GALNT2: variants seen among roughly 807,000 people sequenced by gnomAD.
GALNT2 encodes UDP-GalNAc:polypeptide N-acetylgalactosaminyltransferase 2.
In GALNT2, 31 loss-of-function variants were observed where a neutral mutation model predicts 81.4. The observed-to-expected ratio is 0.38, with a 90% CI of 0.29 to 0.51. The LOEUF (loss-of-function observed/expected upper bound fraction) is 0.51. Among genes scored for constraint, GALNT2 ranks in the 20% least tolerant of loss-of-function variants. The probability of loss-of-function intolerance (pLI) is 0.87; values close to 1 mark genes in which losing one functional copy is unlikely to be tolerated. For synonymous variants in GALNT2, 303 were observed against 287.4 expected (o/e 1.05, Z -0.55); for missense variants, 629 against 765.7 (o/e 0.82, Z 2.11).
chr1:230,135,529 A>G (rs1661509267), intron 1 of GALNT2, among the ~76,000 whole-genome samples: 1 of 152,188 alleles, frequency 6.6e-6, no homozygotes, highest in African/African-American at 2.4e-5. Flanking sequence ...TCTGTGTGGA[A>G]ATCACACGGC....
intron 3 of GALNT2, among the ~76,000 whole-genome samples, chr1:230,220,619 T>C (rs978051933): frequency 2.0e-5 from 3 of 152,104 alleles, no homozygotes; most frequent in Non-Finnish European, 4.4e-5. Context: ...CGGTAGCTGC[T>C]TTTATGGAAT....
intron 1 of GALNT2, chr1:230,092,043 G>A (rs1660099836): frequency 6.6e-6 from 1 of 152,104 alleles, no homozygotes; most frequent in African/African-American, 2.4e-5. Flanking sequence ...AGCTTATGTA[G>A]TTTCTGCGTT....
intron 3 of GALNT2, among the ~76,000 whole-genome samples, chr1:230,228,470 A>G (rs999781167): frequency 6.6e-6 from 1 of 152,074 alleles, no homozygotes; most frequent in Non-Finnish European, 1.5e-5. Flanking sequence ...AGACATAAAT[A>G]AGTGTTTGGC....
chr1:230,070,491 G>C lies in GALNT2; in HGVS notation c.126+3085G>C, dbSNP rs896213205. Among the ~76,000 whole-genome samples, 1 of 152,194 alleles carries C rather than the reference G, an allele frequency of 6.6e-6. No homozygotes were observed. Among genetic ancestry groups the C allele is most frequent in the African/African-American group, 2.4e-5 (1 of 41,444 alleles). ...AGGGTTTTCTCTCTGCTGTAAGAGTGTGTGGAGCCTGAGACCCCTTGCCTG... is the reference window on the plus strand; with the variant it reads ...AGGGTTTTCTCTCTGCTGTAAGAGTCTGTGGAGCCTGAGACCCCTTGCCTG... On this transcript the variant is annotated intron_variant, in intron 1 of 15. Transcript: ENST00000366672. The surrounding 1 kb of genome is among the most constrained non-coding windows in gnomAD (Gnocchi z 4.7).
intron 1 of GALNT2, among the ~76,000 whole-genome samples, chr1:230,098,594 A>AC (rs1660316895): frequency 6.6e-6 from 1 of 151,668 alleles, no homozygotes; most frequent in Non-Finnish European, 1.5e-5. Flanking sequence ...CCACGCCATT[A>AC]CCCCCCAGAC....
intron 1 of GALNT2, among the ~76,000 whole-genome samples, chr1:230,110,828 C>T (rs1315073120): frequency 1.3e-5 from 2 of 151,616 alleles, no homozygotes; most frequent in African/African-American, 2.4e-5. Flanking sequence ...TCAGCCTGAC[C>T]GTGGAAAACT....
intron 2 of GALNT2, among the ~76,000 whole-genome samples, chr1:230,190,120 G>T (rs532962621): frequency 4.0e-4 from 61 of 152,346 alleles, no homozygotes; most frequent in African/African-American, 1.4e-3. Flanking sequence ...AAAATAAGTG[G>T]CTGTCAGTGT....
chr1:230,265,403 CAG>C (rs1161914397), intron 14 of GALNT2, 36 bp downstream of exon 14: 38 of 1,613,734 alleles, frequency 2.4e-5, no homozygotes, highest in Non-Finnish European at 3.2e-5. Flanking sequence ...CCTGCAGGCC[CAG>C]AGAGAGCAGG....
chr1:230,086,371 T>C (rs1357841948), intron 1 of GALNT2, among the ~76,000 whole-genome samples: 3 of 152,200 alleles, frequency 2.0e-5, no homozygotes, highest in Non-Finnish European at 2.9e-5. Flanking sequence ...GCCGGCCCTT[T>C]ATCTGGTGAG....
At chr1:230,140,201 C>T (rs1661686600) in intron 1 of GALNT2, among the ~76,000 whole-genome samples, 1 of 152,320 alleles carries the variant, frequency 6.6e-6, no homozygotes, top group Middle Eastern at 3.4e-3. Flanking sequence ...AGGAATGAAT[C>T]CCAAGGCTTG....
intron 2 of GALNT2, among the ~76,000 whole-genome samples, chr1:230,201,376 G>C (rs550440083): frequency 6.6e-6 from 1 of 152,248 alleles, no homozygotes; most frequent in East Asian, 1.9e-4. Flanking sequence ...TGGGGGTTCT[G>C]ACCTCGCAGG....
intron 3 of GALNT2, among the ~76,000 whole-genome samples, chr1:230,218,888 A>G (rs981071999): frequency 6.6e-5 from 10 of 152,290 alleles, no homozygotes; most frequent in Admixed American, 1.3e-4. Flanking sequence ...ATGAGCAAAC[A>G]TTACCGCCTG....
At chr1:230,170,460 G>T (rs1473286923) in intron 1 of GALNT2, among the ~76,000 whole-genome samples, 1 of 152,190 alleles carries the variant, frequency 6.6e-6, no homozygotes, top group Non-Finnish European at 1.5e-5. Context: ...AGCAAAAACT[G>T]ATCTCTTTTA....
At position 230,243,206 on chromosome 1, in the gene GALNT2, G is replaced by T. The variant is rs542916955; in HGVS notation, c.608-100G>T. 9.8e-6 allele frequency: 14 copies of T among 1,435,544 alleles called. No homozygotes were observed. The East Asian group carries it at 2.5e-4, about 26-fold the overall frequency. The allele number at this position is 1,435,544 out of a possible 1,614,324, so 88.9% of individuals were successfully genotyped here. ...AGTAATGTCCGTGCCCAGAAAGCAG[G>T]CTGCAGAGCTGCGGGCAGGGAGGCG... On this transcript the variant is annotated intron_variant, in intron 6 of 15. Transcript: ENST00000366672. The surrounding 1 kb of genome is among the most constrained non-coding windows in gnomAD (Gnocchi z 4.2).
At position 230,219,219 on chromosome 1, in the gene GALNT2, C is replaced by T. The variant is rs140608209; in HGVS notation, c.374+15929C>T. On this transcript the variant is annotated intron_variant, in intron 3 of 15. Transcript: ENST00000366672. Reference sequence around the variant, plus strand: ...GGCATCTTTGCCATGGCCCTTTAAACCAAATCTTTTTTATTCTTGGTAATT... The same window carrying T: ...GGCATCTTTGCCATGGCCCTTTAAATCAAATCTTTTTTATTCTTGGTAATT... Among the ~76,000 whole-genome samples the T allele has an allele frequency of 4.1e-4, 63 of 152,320 alleles. No individual in the cohort carries two copies. In the East Asian group the frequency reaches 9.4e-3, roughly 23 times the overall value.
At chr1:230,272,498 TCA>T (rs1028737914) in intron 14 of GALNT2, among the ~76,000 whole-genome samples, 3 of 152,138 alleles carry the variant, frequency 2.0e-5, no homozygotes, top group African/African-American at 7.2e-5. Flanking sequence ...CTAGGATTCC[TCA>T]CAGAGTAGAA....
rs59410758 is a variant in GALNT2, at chr1:230,128,257, A to ATGTGTGTGTGTG, written c.127-49952_127-49941dup. Among the ~76,000 whole-genome samples, 733 of 149,850 alleles carry ATGTGTGTGTGTG rather than the reference A, an allele frequency of 4.9e-3. 9 individuals carry two copies. Among genetic ancestry groups the ATGTGTGTGTGTG allele is most frequent in the Middle Eastern group, 0.027 (8 of 294 alleles). Reference sequence around the variant, plus strand: ...CTTCTAAATGCAAGTGCGCTGGAGAATGTGTGTGTGTGTGTGTGTGGTTAT... The same window carrying ATGTGTGTGTGTG: ...CTTCTAAATGCAAGTGCGCTGGAGAATGTGTGTGTGTGTGTGTGTGTGTGTGTGTGTGGTTAT... On this transcript the variant is annotated intron_variant, in intron 1 of 15. Coordinates refer to ENST00000366672, the MANE Select transcript of GALNT2 (RefSeq NM_004481.5).
chr1:230,143,324 T>A (rs999357025), intron 1 of GALNT2, among the ~76,000 whole-genome samples: 3 of 152,178 alleles, frequency 2.0e-5, no homozygotes, highest in African/African-American at 7.2e-5. Context: ...TAGTTAGTTT[T>A]TGGTAAGAGA....
chr1:230,265,560 G>C (rs1294505472), intron 14 of GALNT2, among the ~76,000 whole-genome samples, 193 bp downstream of exon 14: 1 of 152,194 alleles, frequency 6.6e-6, no homozygotes, highest in Non-Finnish European at 1.5e-5. Context: ...ACACACTTTG[G>C]TGCATCAGCT....
Sources: allele counts gnomAD v4.1 joint callset (sites outside exome capture counted in the v4.1 genomes callset), GRCh38; gene constraint gnomAD v4.1.1; non-coding constraint Gnocchi (gnomAD v3.1); transcripts MANE v1.5; gene names NCBI Gene and HGNC (gene_info 2026-07-23, HGNC 2026-07-21).